The following DIS3L2 variants were observed in gnomAD, a reference collection of about 807,000 sequenced individuals.
DIS3L2 encodes DIS3 like 3'-5' exoribonuclease 2, also known as DIS3-like exonuclease 2.
A neutral mutation model predicts 97.5 loss-of-function variants in DIS3L2; 34 were observed. The observed-to-expected ratio is 0.35, with a 90% CI of 0.27 to 0.46. The LOEUF (loss-of-function observed/expected upper bound fraction) is 0.46. Ranked by LOEUF, DIS3L2 falls within the 20% of genes least tolerant of loss-of-function variation. The pLI, the probability that DIS3L2 is intolerant of heterozygous loss-of-function variation, is 1.00. For synonymous variants in DIS3L2, 435 were observed against 445.2 expected, an observed-to-expected ratio of 0.98 and a Z score of 0.29; for missense variants, 1,038 against 1,146.0, an observed-to-expected ratio of 0.91 and a Z score of 1.36.
chr2:232,184,581 T>C (rs893684875), intron 9 of DIS3L2, among the ~76,000 whole-genome samples: 2 of 152,014 alleles, frequency 1.3e-5, no homozygotes, highest in Non-Finnish European at 2.9e-5. Flanking sequence ...GCCCAGGAGG[T>C]TGAGGGTGCA....
At chr2:232,297,742 G>A (rs1196429725) in intron 13 of DIS3L2, among the ~76,000 whole-genome samples, 3 of 131,976 alleles carry the variant, frequency 2.3e-5, no homozygotes, top group Admixed American at 8.8e-5. Context: ...TCGCTATGTC[G>A]CCCAGGCTGG....
chr2:232,018,953 T>G (rs1020543701), intron 3 of DIS3L2, among the ~76,000 whole-genome samples: 1 of 151,550 alleles, frequency 6.6e-6, no homozygotes, highest in Non-Finnish European at 1.5e-5. Context: ...TACTGAGAGG[T>G]TGTTATAGGA....
At chr2:232,163,167 C>T (rs1484516649) in intron 8 of DIS3L2, among the ~76,000 whole-genome samples, 1 of 152,038 alleles carries the variant, frequency 6.6e-6, no homozygotes, top group African/African-American at 2.4e-5. Flanking sequence ...TTTGACTTCT[C>T]TGTGAAGAAC....
At chr2:232,036,500 A>G (rs1684096271) in intron 5 of DIS3L2, among the ~76,000 whole-genome samples, 1 of 152,014 alleles carries the variant, frequency 6.6e-6, no homozygotes, top group Non-Finnish European at 1.5e-5. Context: ...GTTATTACCC[A>G]CTTTCTGAAG....
chr2:232,336,568 C>T lies in DIS3L2; in HGVS notation c.2596C>T (p.Leu866=). 1 of 1,609,474 alleles carries T rather than the reference C, an allele frequency of 6.2e-7. No individual in the cohort carries two copies. Among genetic ancestry groups the T allele is most frequent in the Non-Finnish European group, 8.5e-7 (1 of 1,179,942 alleles). The change falls in exon 21 of 21, where the codon CTG becomes TTG. Residue 866 remains leucine (L), a synonymous_variant. Transcript: ENST00000325385. ...GAAGCGGCCAGGCACCCAGGGCCAC[C>T]TGGGCCCTGAGAAGGAGGAGGAGGA... The part of the protein sequence containing the change: ...ILKRPGTQGH[L]GPEKEEEESD...
intron 12 of DIS3L2, among the ~76,000 whole-genome samples, chr2:232,250,328 A>G (rs1693383188): frequency 7.0e-6 from 1 of 142,168 alleles, no homozygotes. Context: ...CTAAAACAAC[A>G]GTAAAAGGAT....
chr2:232,040,660 C>T (rs568152832), intron 5 of DIS3L2, among the ~76,000 whole-genome samples: 16 of 152,312 alleles, frequency 1.1e-4, no homozygotes, highest in South Asian at 2.1e-4. Flanking sequence ...CTAATAACAA[C>T]TGCTAACTTA....
Position 232,252,417 on chromosome 2 carries a change from TAAAAG to T in DIS3L2, c.1425+3076_1425+3080del, listed in dbSNP as rs370801949. Among the ~76,000 whole-genome samples the T allele has an allele frequency of 2.9e-3, 444 of 151,904 alleles. 2 individuals are homozygous for T. The highest frequency in any genetic ancestry group is 9.6e-3 in the African/African-American group (399 of 41,420). On this transcript the variant is annotated intron_variant, in intron 12 of 20. Transcript: ENST00000325385. The stretch of plus-strand genomic sequence containing the variant: ...AGAGTGAAACTCCGTCTGAAAAAAA[TAAAAG>T]AAAAAGAAAAAGAAGAGGACGCTAA...
chr2:232,099,467 A>G (rs1392095819), intron 6 of DIS3L2, among the ~76,000 whole-genome samples: 1 of 152,080 alleles, frequency 6.6e-6, no homozygotes, highest in Non-Finnish European at 1.5e-5. Context: ...TGCATACCTC[A>G]GCCTCCCAAA....
intron 13 of DIS3L2, among the ~76,000 whole-genome samples, chr2:232,286,513 A>G (rs1694437320): frequency 6.6e-6 from 1 of 152,204 alleles, no homozygotes; most frequent in African/African-American, 2.4e-5. Context: ...ACATTTGGAA[A>G]TATTGAGTCC....
intron 11 of DIS3L2, among the ~76,000 whole-genome samples, chr2:232,243,453 G>A (rs1408385169): frequency 2.6e-5 from 4 of 152,006 alleles, no homozygotes; most frequent in African/African-American, 9.7e-5. Context: ...TTGAAGGATA[G>A]TGAGGCCAGA....
At chr2:231,993,175 C>A (rs758899853) in intron 1 of DIS3L2, among the ~76,000 whole-genome samples, 1 of 152,128 alleles carries the variant, frequency 6.6e-6, no homozygotes, top group Non-Finnish European at 1.5e-5. Context: ...ATTCAATAAC[C>A]CTGTCCTGGT....
At chr2:232,145,926 A>G (rs531678140) in intron 8 of DIS3L2, among the ~76,000 whole-genome samples, 1 of 152,244 alleles carries the variant, frequency 6.6e-6, no homozygotes, top group African/African-American at 2.4e-5. Flanking sequence ...ATTGATAAGG[A>G]AGAGGCATAC....
intron 5 of DIS3L2, among the ~76,000 whole-genome samples, chr2:232,075,356 A>G (rs911886236): frequency 6.6e-6 from 1 of 152,240 alleles, no homozygotes; most frequent in Non-Finnish European, 1.5e-5. Context: ...GTGAAGATTC[A>G]TAATAAAAAC....
chr2:232,086,603 G>A (rs201009131), intron 5 of DIS3L2, among the ~76,000 whole-genome samples: 6,985 of 56,650 alleles, frequency 0.12, 347 homozygotes, highest in Admixed American at 0.19. Flanking sequence ...ATATATATAT[G>A]TGTGTGTGTG....
intron 5 of DIS3L2, among the ~76,000 whole-genome samples, chr2:232,035,487 A>T (rs1323886347): frequency 6.6e-6 from 1 of 152,206 alleles, no homozygotes; most frequent in Non-Finnish European, 1.5e-5. Context: ...TGGGGGATTT[A>T]GCCCATTTAC....
At chr2:232,194,850 T>C (rs1383007664) in intron 9 of DIS3L2, among the ~76,000 whole-genome samples, 1 of 152,136 alleles carries the variant, frequency 6.6e-6, no homozygotes, top group Middle Eastern at 3.2e-3. Flanking sequence ...GAGGGGTCAC[T>C]TGGGACTCCT....
At chr2:232,300,879 C>A (rs1398542503) in intron 14 of DIS3L2, among the ~76,000 whole-genome samples, 1 of 152,062 alleles carries the variant, frequency 6.6e-6, no homozygotes, top group Non-Finnish European at 1.5e-5. Flanking sequence ...GTCTTGAACT[C>A]CTGAGCTCAA....
intron 9 of DIS3L2, among the ~76,000 whole-genome samples, chr2:232,189,622 G>C (rs1213302520): frequency 6.6e-6 from 1 of 152,188 alleles, no homozygotes; most frequent in Admixed American, 6.5e-5. Flanking sequence ...AGGGATCCTT[G>C]AGACAATAGT....
Sources: allele counts gnomAD v4.1 joint callset (sites outside exome capture counted in the v4.1 genomes callset), GRCh38; gene constraint gnomAD v4.1.1; transcripts MANE v1.5; gene names NCBI Gene and HGNC (gene_info 2026-07-23, HGNC 2026-07-21).